The following PTGER3 variants were observed in gnomAD, a reference collection of about 807,000 sequenced individuals.
The protein encoded by PTGER3 is prostaglandin E2 receptor EP3 subtype.
A neutral mutation model predicts 34.7 loss-of-function variants in PTGER3; 22 were observed. The ratio of observed to expected loss-of-function variants is 0.63; its 90% CI spans 0.45 to 0.91. The LOEUF is 0.91. Ranked by LOEUF, PTGER3 falls within the 40% of genes least tolerant of loss-of-function variation. The probability of loss-of-function intolerance (pLI) is 0.00; values close to 1 mark genes in which losing one functional copy is unlikely to be tolerated. For synonymous variants in PTGER3, 241 were observed against 230.1 expected (o/e 1.05, Z -0.43); for missense variants, 468 against 519.4 (o/e 0.90, Z 0.96).
chr1:70,903,038 A>G (rs1646874541), intron 4 of PTGER3, among the ~76,000 whole-genome samples: 1 of 152,200 alleles, frequency 6.6e-6, no homozygotes. Flanking sequence ...AGCTGGGTCC[A>G]AAATCCAGTA....
rs185920727 is a variant in PTGER3 at position 70,861,689 on chromosome 1, T to C, written c.*24-8830A>G. 7.5e-4 allele frequency among the ~76,000 whole-genome samples: 114 copies of C among 151,956 alleles called. 1 individual carries two copies. The highest frequency in any genetic ancestry group is 2.6e-3 in the African/African-American group (108 of 41,360). On this transcript the variant is annotated intron_variant, in intron 4 of 4. Transcript: ENST00000370931. ...TGAGTGGATGCAATGGGAATCTTCA[T>C]GGTTCCATTAGCAAAAAAAAAAACA...
rs1244544983 is a variant in PTGER3 at position 70,975,160 on chromosome 1, C to T, written c.1078-772G>A. 2.6e-5 allele frequency among the ~76,000 whole-genome samples: 4 copies of T among 152,134 alleles called. No individual in the cohort carries two copies. In the East Asian group the frequency reaches 7.7e-4, roughly 29 times the overall value. ...CATTGTACCTAAGCTATAAGCTTCACAAGAGCAGGAACTGTGCCTGGTTTT... is the reference window on the plus strand; with the variant it reads ...CATTGTACCTAAGCTATAAGCTTCATAAGAGCAGGAACTGTGCCTGGTTTT... On this transcript the variant is annotated intron_variant, in intron 2 of 3. Transcript: ENST00000306666.
intron 4 of PTGER3, among the ~76,000 whole-genome samples, chr1:70,897,793 G>A (rs1349805238): frequency 6.6e-6 from 1 of 152,120 alleles, no homozygotes; most frequent in Non-Finnish European, 1.5e-5. Flanking sequence ...AAGTTTGTTT[G>A]TTTGTTTTGC....
chr1:71,011,534 A>G, intron 2 of PTGER3: 1 of 985,188 alleles, frequency 1.0e-6, no homozygotes. Flanking sequence ...AAATATATTC[A>G]AAAGAAAGAA....
At chr1:70,881,826 T>C (rs1031772328) in intron 4 of PTGER3, among the ~76,000 whole-genome samples, 60 of 152,316 alleles carry the variant, frequency 3.9e-4, no homozygotes, top group African/African-American at 1.4e-3. Context: ...TAATATGTTG[T>C]TTGAGTGCTT....
rs75141442 is a variant in PTGER3 at position 70,973,948 on chromosome 1, G to A, written c.1169+349C>T. On this transcript the variant is annotated intron_variant, in intron 3 of 3. Coordinates refer to ENST00000306666, the MANE Select transcript of PTGER3 (RefSeq NM_198719.2). ...GCCATATGAGCCATATGGCGAACAC[G>A]CTGGATTCTGATACCTAATTAAAAT... Among the ~76,000 whole-genome samples the A allele has an allele frequency of 6.8e-4, 103 of 152,206 alleles. 2 individuals carry two copies. The East Asian group carries it at 0.012, about 18-fold the overall frequency.
rs577420386 is a variant in PTGER3 at position 70,921,407 on chromosome 1, C to T, written c.*23+32356G>A. ...TCTTTCTCTCTCTCTGCAAACCTGTCGAATGAATGGTAAAAATCACTGTTT... is the reference window on the plus strand; with the variant it reads ...TCTTTCTCTCTCTCTGCAAACCTGTTGAATGAATGGTAAAAATCACTGTTT... On this transcript the variant is annotated intron_variant, in intron 4 of 4. Coordinates refer to the PTGER3 transcript ENST00000370931. Among the ~76,000 whole-genome samples the T allele has an allele frequency of 4.7e-4, 72 of 152,100 alleles. 1 individual carries two copies. The highest frequency in any genetic ancestry group is 1.6e-3 in the African/African-American group (68 of 41,500).
At chr1:70,862,046 G>C (rs1180885718) in intron 4 of PTGER3, among the ~76,000 whole-genome samples, 1 of 151,802 alleles carries the variant, frequency 6.6e-6, no homozygotes, top group Admixed American at 6.6e-5. Context: ...GAGAATAATT[G>C]AATAAAACTG....
intron 1 of PTGER3, among the ~76,000 whole-genome samples, chr1:71,021,713 G>A (rs1480578010): frequency 2.0e-5 from 3 of 151,558 alleles, no homozygotes; most frequent in Non-Finnish European, 4.4e-5. Flanking sequence ...GAGTGTTCGT[G>A]ACAATTAAAA....
chr1:70,990,315 C>T (rs2100766034), intron 2 of PTGER3, among the ~76,000 whole-genome samples: 1 of 148,684 alleles, frequency 6.7e-6, no homozygotes. Context: ...TGAGATTGCG[C>T]CACTGCACTC....
intron 2 of PTGER3, among the ~76,000 whole-genome samples, chr1:70,994,544 G>A (rs1057358951): frequency 4.0e-5 from 6 of 151,414 alleles, no homozygotes; most frequent in South Asian, 2.1e-4. Flanking sequence ...TGCAACCTCC[G>A]CCTCCTGGGT....
intron 1 of PTGER3, among the ~76,000 whole-genome samples, chr1:71,020,019 A>G (rs1362446076): frequency 1.3e-5 from 2 of 152,204 alleles, no homozygotes; most frequent in Non-Finnish European, 2.9e-5. Context: ...CTATAATTTG[A>G]TAAGTGTATT....
At chr1:70,877,853 T>C (rs1646305918) in intron 4 of PTGER3, among the ~76,000 whole-genome samples, 1 of 152,210 alleles carries the variant, frequency 6.6e-6, no homozygotes, top group South Asian at 2.1e-4. Context: ...GGTTTGCTAG[T>C]ATTTCATTGA....
intron 4 of PTGER3, among the ~76,000 whole-genome samples, chr1:70,905,844 CAAG>C (rs1286639468): frequency 6.6e-6 from 1 of 152,034 alleles, no homozygotes; most frequent in African/African-American, 2.4e-5. Flanking sequence ...AATGTGAGAA[CAAG>C]AGATTTGGGA....
At chr1:70,968,810 T>C (rs547044701), downstream of PTGER3, among the ~76,000 whole-genome samples, 292 of 151,962 alleles carry the variant, frequency 1.9e-3, 1 homozygote, top group African/African-American at 6.9e-3. Context: ...TTTCTCATTG[T>C]ATGAGAAGTA....
rs867792547 is a variant in PTGER3, at chr1:70,897,616, G to A, written c.*24-44757C>T. 3.3e-5 allele frequency among the ~76,000 whole-genome samples: 5 copies of A among 152,198 alleles called. No homozygotes were observed. The South Asian group carries it at 1.0e-3, about 32-fold the overall frequency. On this transcript the variant is annotated intron_variant, in intron 4 of 4. Transcript: ENST00000370931. ...ACTGGCATATATCATAGTATCATAA[G>A]ACATGTCTCCCCTTCAGGAGCTCAT...
chr1:70,974,574 C>A (rs191589300), intron 2 of PTGER3, among the ~76,000 whole-genome samples, 186 bp from the exon 3 acceptor site: 1 of 152,166 alleles, frequency 6.6e-6, no homozygotes, highest in Non-Finnish European at 1.5e-5. Flanking sequence ...CCTACACTTA[C>A]GCATCAAATA....
chr1:71,040,275 G>C (rs1328165432), intron 1 of PTGER3, among the ~76,000 whole-genome samples: 3 of 152,078 alleles, frequency 2.0e-5, no homozygotes. Flanking sequence ...TTTACATGGG[G>C]CCAGACCCTG....
intron 4 of PTGER3, among the ~76,000 whole-genome samples, chr1:70,930,352 T>C (rs1648566206): frequency 6.6e-6 from 1 of 152,224 alleles, no homozygotes; most frequent in African/African-American, 2.4e-5. Flanking sequence ...ATCTTGTCCT[T>C]ACCTGAGTTT....
Sources: gnomAD v4.1 joint callset for allele counts (sites outside exome capture counted in the v4.1 genomes callset) on GRCh38, gnomAD v4.1.1 for gene constraint, MANE v1.5 for transcripts, NCBI Gene and HGNC (gene_info 2026-07-23, HGNC 2026-07-21) for gene names.